Variants in WDR70 observed in about 807,000 individuals in gnomAD.
The protein encoded by WDR70 is WD repeat domain 70, also known as WD repeat-containing protein 70.
A neutral mutation model predicts 88.6 loss-of-function variants in WDR70; 53 were observed. That is an observed-to-expected ratio of 0.60 (90% CI 0.48 to 0.75). The LOEUF (loss-of-function observed/expected upper bound fraction) is 0.75, where lower values mean the gene tolerates loss of function less well. WDR70 is among the 30% of genes least tolerant of loss of function. WDR70 has a pLI of 0.00. For synonymous variants in WDR70, 280 were observed against 270.0 expected (o/e 1.04, Z -0.36); for missense variants, 610 against 823.2 (o/e 0.74, Z 3.17).
rs1255122573 is a variant in WDR70 at position 37,566,748 on chromosome 5, A to G, written c.918-38316A>G. 2.6e-5 allele frequency among the ~76,000 whole-genome samples: 4 copies of G among 152,310 alleles called. No homozygotes were observed. The East Asian group carries it at 7.7e-4, about 29-fold the overall frequency. On this transcript the variant is annotated intron_variant, in intron 9 of 17. Coordinates refer to ENST00000265107, the MANE Select transcript of WDR70 (RefSeq NM_018034.4). ...TTAGAAAGCTGCAAGGCTAATACAT[A>G]AGGCCTGGTTTTGCCTCGTTTAATC...
intron 10 of WDR70, among the ~76,000 whole-genome samples, chr5:37,670,952 C>T (rs75367936): frequency 0.014 from 2,082 of 152,202 alleles, 39 homozygotes; most frequent in African/African-American, 0.046. Context: ...TACTTGTATC[C>T]GCATTGTCCT....
At chr5:37,583,443 G>A (rs1743276539) in intron 9 of WDR70, among the ~76,000 whole-genome samples, 2 of 149,986 alleles carry the variant, frequency 1.3e-5, no homozygotes, top group Admixed American at 1.3e-4. Flanking sequence ...AAAAAGAATA[G>A]AGCAGAGCTT....
intron 7 of WDR70, among the ~76,000 whole-genome samples, chr5:37,464,637 A>G (rs1164028275): frequency 6.6e-6 from 1 of 152,230 alleles, no homozygotes; most frequent in Non-Finnish European, 1.5e-5. Context: ...TTGAGGGGGC[A>G]TGGCTGTGGC....
At chr5:37,492,074 A>G (rs2112194624) in intron 8 of WDR70, among the ~76,000 whole-genome samples, 1 of 152,306 alleles carries the variant, frequency 6.6e-6, no homozygotes, top group African/African-American at 2.4e-5. Context: ...TTCAACAGGG[A>G]AGTCAATTTA....
At chr5:37,380,681 T>A (rs1391615960) in intron 2 of WDR70, among the ~76,000 whole-genome samples, 2 of 152,142 alleles carry the variant, frequency 1.3e-5, no homozygotes. Context: ...GGAGTCTCGC[T>A]CTGTCACCCA....
chr5:37,523,330 G>A (rs755998159), intron 9 of WDR70, among the ~76,000 whole-genome samples: 3 of 152,178 alleles, frequency 2.0e-5, no homozygotes, highest in South Asian at 2.1e-4. Flanking sequence ...AGCAATATTC[G>A]CTGTTCTGCA....
At chr5:37,560,207 T>A (rs1270335141) in intron 9 of WDR70, among the ~76,000 whole-genome samples, 3 of 152,226 alleles carry the variant, frequency 2.0e-5, no homozygotes, top group Middle Eastern at 3.2e-3. Context: ...CTACTTTTTT[T>A]AATGTAAATA....
intron 17 of WDR70, among the ~76,000 whole-genome samples, chr5:37,733,826 A>G (rs766353260): frequency 6.6e-6 from 1 of 151,756 alleles, no homozygotes; most frequent in Admixed American, 6.6e-5. Flanking sequence ...CAACATCACT[A>G]TATCCCTCAG....
intron 9 of WDR70, among the ~76,000 whole-genome samples, chr5:37,587,034 C>T (rs1373820434): frequency 6.6e-6 from 1 of 152,126 alleles, no homozygotes; most frequent in African/African-American, 2.4e-5. Context: ...ATGTTTTCTC[C>T]TCACTTTCCC....
At chr5:37,720,922 C>G (rs550274560) in intron 13 of WDR70, among the ~76,000 whole-genome samples, 193 bp from the exon 14 acceptor site, 1 of 152,154 alleles carries the variant, frequency 6.6e-6, no homozygotes, top group African/African-American at 2.4e-5. Flanking sequence ...TGGAGTATCA[C>G]CCAGATAATA....
intron 7 of WDR70, among the ~76,000 whole-genome samples, chr5:37,476,235 A>G (rs1375532012): frequency 6.6e-6 from 1 of 152,174 alleles, no homozygotes; most frequent in Non-Finnish European, 1.5e-5. Flanking sequence ...CGTTAGTCTA[A>G]AGATTACAAC....
At chr5:37,660,107 A>C (rs1039322478) in intron 10 of WDR70, among the ~76,000 whole-genome samples, 1 of 152,154 alleles carries the variant, frequency 6.6e-6, no homozygotes, top group African/African-American at 2.4e-5. Flanking sequence ...ATTGTTAATT[A>C]ATCTGTTAAT....
intron 9 of WDR70, among the ~76,000 whole-genome samples, chr5:37,554,555 C>A (rs1222884462): frequency 2.6e-5 from 4 of 151,978 alleles, no homozygotes; most frequent in Non-Finnish European, 5.9e-5. Flanking sequence ...ATCCCAGAAG[C>A]CTTAAAGTGG....
At position 37,553,839 on chromosome 5, in the gene WDR70, C is replaced by G. The variant is rs190692540; in HGVS notation, c.917+37249C>G. 1.2e-4 allele frequency among the ~76,000 whole-genome samples: 18 copies of G among 152,294 alleles called. No homozygotes were observed. In the East Asian group the frequency reaches 3.1e-3, roughly 26 times the overall value. ...CTTTTGGCAAGTTATTTAATGTCTC[C>G]ATGCCTCTATTTTGTCTTCTGTAAA... is the stretch of plus-strand genomic sequence containing the variant. On this transcript the variant is annotated intron_variant, in intron 9 of 17. Coordinates refer to ENST00000265107, the MANE Select transcript of WDR70 (RefSeq NM_018034.4).
chr5:37,430,967 C>T lies in WDR70; in HGVS notation c.493-6955C>T, dbSNP rs184752369. 4.2e-3 allele frequency among the ~76,000 whole-genome samples: 641 copies of T among 152,238 alleles called. 6 individuals are homozygous for T. The highest frequency in any genetic ancestry group is 5.6e-3 in the Non-Finnish European group (379 of 68,014). ...CTCCCGGGTTCAGGCCATCCTCCTGCCTCAACCTCCTGGGTAGCTGGGACT... is the reference window on the plus strand; with the variant it reads ...CTCCCGGGTTCAGGCCATCCTCCTGTCTCAACCTCCTGGGTAGCTGGGACT... On this transcript the variant is annotated intron_variant, in intron 5 of 17. Transcript: ENST00000265107.
rs1437997538 is a variant in WDR70, at chr5:37,471,849, G to A, written c.687-7985G>A. ...TCAAATTGACTCCGCATCATTCATT[G>A]AAAAGACTGCTTTCATCACTTTTGT... On this transcript the variant is annotated intron_variant, in intron 7 of 17. Coordinates refer to ENST00000265107, the MANE Select transcript of WDR70 (RefSeq NM_018034.4). 6.6e-5 allele frequency among the ~76,000 whole-genome samples: 10 copies of A among 152,006 alleles called. No individual in the cohort carries two copies. The East Asian group carries it at 1.9e-3, about 29-fold the overall frequency.
intron 13 of WDR70, among the ~76,000 whole-genome samples, chr5:37,709,567 T>G (rs551025628): frequency 6.6e-6 from 1 of 152,328 alleles, no homozygotes; most frequent in Admixed American, 6.5e-5. Flanking sequence ...ATAGGAAAAC[T>G]GGGAGCAAGT....
chr5:37,521,516 A>G (rs867999131), intron 9 of WDR70, among the ~76,000 whole-genome samples: 1 of 152,134 alleles, frequency 6.6e-6, no homozygotes, highest in Non-Finnish European at 1.5e-5. Context: ...AAGTCCCCAA[A>G]GTCCAATGTA....
chr5:37,430,549 AT>A (rs1000964818), intron 5 of WDR70, among the ~76,000 whole-genome samples: 6 of 151,814 alleles, frequency 4.0e-5, no homozygotes, highest in Non-Finnish European at 7.4e-5. Context: ...TTGTGTATAG[AT>A]TTTTTTCTTT....
Sources: gnomAD v4.1 joint callset for allele counts (sites outside exome capture counted in the v4.1 genomes callset) on GRCh38, gnomAD v4.1.1 for gene constraint, MANE v1.5 for transcripts, NCBI Gene and HGNC (gene_info 2026-07-23, HGNC 2026-07-21) for gene names.